SLC2A5: variants seen among roughly 807,000 people sequenced by gnomAD.
The protein encoded by SLC2A5 is solute carrier family 2 member 5.
SLC2A5 carries 56 observed loss-of-function variants against 50.3 expected under a neutral mutation model. The ratio of observed to expected loss-of-function variants is 1.11; its 90% CI spans 0.90 to 1.39. The LOEUF is 1.39. Ranked by LOEUF, SLC2A5 falls within the 40% of genes most tolerant of loss-of-function variation. The pLI, the probability that SLC2A5 is intolerant of heterozygous loss-of-function variation, is 0.00. For synonymous variants in SLC2A5, 269 were observed against 281.9 expected (o/e 0.95, Z 0.46); for missense variants, 566 against 650.1 (o/e 0.87, Z 1.41).
chr1:9,040,113 G>A lies in SLC2A5; in HGVS notation c.648C>T (p.Ser216=), dbSNP rs906629444. The A allele has an allele frequency of 8.7e-6, 14 of 1,600,790 alleles. No individual in the cohort carries two copies. Among genetic ancestry groups the A allele is most frequent in the Non-Finnish European group, 1.2e-5 (14 of 1,173,614 alleles). The change falls in exon 6 of 12, where the codon AGC becomes AGT. Residue 216 remains serine, a synonymous_variant. Transcript: ENST00000377424. The surrounding 1 kb of genome is among the most constrained non-coding windows in gnomAD (Gnocchi z 4.3). ...QLLLLPFFPE[S]PRYLLIQKKD... is the part of the protein sequence containing the mutation. ...TCTTCTGAATCAGCAGGTACCTGGG[G>A]CTCTCGGGGAAGAAGGGCAGCAGAA...
At chr1:9,039,066 G>T in intron 8 of SLC2A5, 137 bp from the exon 9 acceptor site, 1 of 1,043,504 alleles carries the variant, frequency 9.6e-7, no homozygotes, top group Non-Finnish European at 1.4e-6. Context: ...ATTCACATGT[G>T]CAAGACATGC....
intron 3 of SLC2A5, among the ~76,000 whole-genome samples, chr1:9,054,176 G>A (rs1356800279): frequency 6.6e-6 from 1 of 152,144 alleles, no homozygotes; most frequent in African/African-American, 2.4e-5. Context: ...GGCAATATTT[G>A]TAGAGATATT....
intron 10 of SLC2A5, 43 bp downstream of exon 10, chr1:9,038,388 C>G (rs1641192275): frequency 2.8e-6 from 4 of 1,440,088 alleles, no homozygotes; most frequent in Non-Finnish European, 3.9e-6. Context: ...CTTCTGGGAC[C>G]AGGGGGGGTT....
rs116780481 is a variant in SLC2A5, at chr1:9,037,875, G to A, written c.1302+22C>T. On this transcript the variant is annotated intron_variant, in intron 11 of 11. Transcript: ENST00000377424. ...ACTGCATGGGGATCTGGTGGTGAGC[G>A]TGGGCCCCGGGCCCCACTCACCTGG... is the stretch of plus-strand genomic sequence containing the variant. The A allele has an allele frequency of 4.3e-3, 6,915 of 1,613,738 alleles. 30 individuals are homozygous for A. Among genetic ancestry groups the A allele is most frequent in the Non-Finnish European group, 5.0e-3 (5,903 of 1,179,974 alleles).
At position 9,043,949 on chromosome 1, in the gene SLC2A5, C is replaced by T. The variant is rs373796327; in HGVS notation, c.419-2012G>A. Among the ~76,000 whole-genome samples the T allele has an allele frequency of 1.9e-3, 282 of 151,360 alleles. 3 individuals are homozygous for T. The highest frequency in any genetic ancestry group is 3.5e-3 in the Middle Eastern group (1 of 288). ...GTTGGCAAGGCTGGTCCTGAACTCC[C>T]GACCTCAGGTGATCCACCCGCCTCG... is the stretch of plus-strand genomic sequence containing the variant. On this transcript the variant is annotated intron_variant, in intron 4 of 11. Coordinates refer to ENST00000377424, the MANE Select transcript of SLC2A5 (RefSeq NM_003039.3).
intron 2 of SLC2A5, among the ~76,000 whole-genome samples, chr1:9,057,883 GC>G (rs1557673852): frequency 1.3e-5 from 2 of 151,976 alleles, no homozygotes; most frequent in Admixed American, 6.6e-5. Context: ...GAGACCCCTG[GC>G]CCCCCCGGAT....
intron 2 of SLC2A5, chr1:9,082,745 G>T (rs554025959): frequency 1.0e-5 from 4 of 386,886 alleles, no homozygotes; most frequent in South Asian, 8.1e-5. Context: ...AGTTGTGGGT[G>T]CAATCTTGCA....
At chr1:9,087,208 C>CT (rs35852748) in intron 1 of SLC2A5, among the ~76,000 whole-genome samples, 14,217 of 142,392 alleles carry the variant, frequency 0.1, 1,178 homozygotes, top group East Asian at 0.23. Context: ...TTACTTCTTT[C>CT]TTTTTTTTTT....
chr1:9,074,321 A>C (rs1321273914), upstream of SLC2A5, among the ~76,000 whole-genome samples: 1 of 152,120 alleles, frequency 6.6e-6, no homozygotes, highest in African/African-American at 2.4e-5. Flanking sequence ...AGAATCTCAG[A>C]AATAGTCTGT....
upstream of SLC2A5, among the ~76,000 whole-genome samples, chr1:9,091,472 T>C (rs1433676902): frequency 6.6e-6 from 1 of 152,200 alleles, no homozygotes; most frequent in East Asian, 1.9e-4. Flanking sequence ...TCACGTTCTA[T>C]GAACCTCTTC....
rs757787611 is a variant in SLC2A5 at position 9,039,623 on chromosome 1, C to T, written c.925G>A (p.Val309Met). The T allele has an allele frequency of 1.9e-6, 3 of 1,565,940 alleles. No individual in the cohort carries two copies. Among genetic ancestry groups the T allele is most frequent in the Non-Finnish European group, 1.7e-6 (2 of 1,156,274 alleles). Residue 309 changes from valine to methionine, a missense_variant, in exon 8 of 12, where the codon GTG becomes ATG. Val to Met is a conservative substitution (Grantham distance 21, BLOSUM62 1). Coordinates refer to ENST00000377424, the MANE Select transcript of SLC2A5 (RefSeq NM_003039.3). ...ACGTACTGCACGTGCTCCTCCGGCACGCCGGCGCTCAGGTAGATCTGGTCC... is the reference window on the plus strand; with the variant it reads ...ACGTACTGCACGTGCTCCTCCGGCATGCCGGCGCTCAGGTAGATCTGGTCC... ...YADQIYLSAG[V>M]PEEHVQYVTA...
intron 2 of SLC2A5, among the ~76,000 whole-genome samples, chr1:9,079,139 G>A (rs1269715785): frequency 2.0e-5 from 3 of 152,104 alleles, no homozygotes; most frequent in Non-Finnish European, 4.4e-5. Flanking sequence ...GAAAACGTGC[G>A]CCTTCCAAGT....
At chr1:9,053,582 T>A (rs1232269969) in intron 3 of SLC2A5, among the ~76,000 whole-genome samples, 1 of 123,696 alleles carries the variant, frequency 8.1e-6, no homozygotes, top group East Asian at 2.1e-4. Flanking sequence ...ATATATATAT[T>A]TTTTAAATAG....
intron 1 of SLC2A5, among the ~76,000 whole-genome samples, chr1:9,067,100 C>T (rs2478869): frequency 2.0e-5 from 3 of 152,016 alleles, no homozygotes; most frequent in African/African-American, 7.3e-5. Context: ...CCCTCCTCCC[C>T]GGACCGCGCA....
intron 10 of SLC2A5, among the ~76,000 whole-genome samples, 155 bp downstream of exon 10, chr1:9,038,276 T>G (rs909228929): frequency 3.9e-5 from 6 of 152,174 alleles, no homozygotes; most frequent in African/African-American, 7.2e-5. Flanking sequence ...CATTTCGCTC[T>G]CATTATGTGC....
chr1:9,037,869 G>T, intron 11 of SLC2A5, 28 bp downstream of exon 11: 1 of 1,613,824 alleles, frequency 6.2e-7, no homozygotes, highest in South Asian at 1.1e-5. Context: ...GGATCTGGTG[G>T]TGAGCGTGGG....
chr1:9,057,610 T>G lies in SLC2A5; in HGVS notation c.133-2A>C. On this transcript the variant is annotated splice_acceptor_variant, in intron 2 of 11. Coordinates refer to ENST00000377424, the MANE Select transcript of SLC2A5 (RefSeq NM_003039.3). LOFTEE classifies it high-confidence loss of function. ...CTCATTGTAAAATTGTTGCATGAGC[T>G]AGGAGACAAAGCAAAACAGAACACC... 2 of 1,611,558 alleles carry G rather than the reference T, an allele frequency of 1.2e-6. No individual in the cohort carries two copies. The highest frequency in any genetic ancestry group is 1.7e-6 in the Non-Finnish European group (2 of 1,179,100).
rs1641999348 is a variant in SLC2A5 at position 9,063,540 on chromosome 1, T to C, written c.34-5290A>G. 4.0e-5 allele frequency among the ~76,000 whole-genome samples: 6 copies of C among 149,624 alleles called. No individual in the cohort carries two copies. The South Asian group carries it at 1.3e-3, about 32-fold the overall frequency. On this transcript the variant is annotated intron_variant, in intron 1 of 11. Transcript: ENST00000377424. ...GGTGCATGCCACCACGCCTGGCTAA[T>C]TTTTGTATTTTTAGTAGAGACGGGG... is the stretch of plus-strand genomic sequence containing the variant.
At chr1:9,061,614 A>AAG (rs1448807520) in intron 1 of SLC2A5, among the ~76,000 whole-genome samples, 7 of 151,394 alleles carry the variant, frequency 4.6e-5, no homozygotes, top group African/African-American at 1.7e-4. Context: ...TCAAAAAAAA[A>AAG]AAAAATTCTT....
Sources: gnomAD v4.1 joint callset for allele counts (sites outside exome capture counted in the v4.1 genomes callset) on GRCh38, gnomAD v4.1.1 for gene constraint, Gnocchi (gnomAD v3.1) non-coding constraint, MANE v1.5 for transcripts, NCBI Gene and HGNC (gene_info 2026-07-23, HGNC 2026-07-21) for gene names.